The following PTPRT variants were observed in gnomAD, a reference collection of about 807,000 sequenced individuals.
PTPRT encodes the protein protein tyrosine phosphatase receptor type T, also known as receptor-type tyrosine-protein phosphatase T.
PTPRT carries 56 observed loss-of-function variants against 176.8 expected under a neutral mutation model. That is an observed-to-expected ratio of 0.32 (90% CI 0.26 to 0.40). The LOEUF is 0.40. PTPRT is among the 10% of genes least tolerant of loss of function. PTPRT has a pLI of 1.00. For synonymous variants in PTPRT, 783 were observed against 739.0 expected, an observed-to-expected ratio of 1.06 and a Z score of -0.96; for missense variants, 1,540 against 1,908.2, an observed-to-expected ratio of 0.81 and a Z score of 3.60.
At chr20:42,505,747 T>C (rs969346031) in intron 7 of PTPRT, among the ~76,000 whole-genome samples, 1 of 152,138 alleles carries the variant, frequency 6.6e-6, no homozygotes, top group Non-Finnish European at 1.5e-5. Flanking sequence ...AATTAATGCA[T>C]CTCTGCAAAT....
rs202068065 is a variant in PTPRT, at chr20:42,907,474, T to TA, written c.89-21543dup. Among the ~76,000 whole-genome samples the TA allele has an allele frequency of 9.2e-3, 1,397 of 152,186 alleles. 21 individuals carry two copies. Among genetic ancestry groups the TA allele is most frequent in the African/African-American group, 0.032 (1,323 of 41,464 alleles). Reference sequence around the variant, plus strand: ...AACCACAAACATTGAAGTTTTTTTTTAATGTTTTTCTCATTGACTTGGAGG... The same window carrying TA: ...AACCACAAACATTGAAGTTTTTTTTTAAATGTTTTTCTCATTGACTTGGAGG... On this transcript the variant is annotated intron_variant, in intron 1 of 30. Coordinates refer to ENST00000373187, the MANE Select transcript of PTPRT (RefSeq NM_007050.6).
the PTPRT span, among the ~76,000 whole-genome samples, chr20:42,065,920 G>C: frequency 0.75 from 113,114 of 151,608 alleles, 42,454 homozygotes; most frequent in South Asian, 0.84. Flanking sequence ...ATTAAATTTT[G>C]TCAAATGTTT....
At chr20:42,454,972 CA>C (rs1186894848) in intron 8 of PTPRT, among the ~76,000 whole-genome samples, 2 of 152,176 alleles carry the variant, frequency 1.3e-5, no homozygotes, top group Non-Finnish European at 2.9e-5. Flanking sequence ...CAATGAAAGA[CA>C]GGAAGTTGAT....
intron 7 of PTPRT, among the ~76,000 whole-genome samples, chr20:42,537,813 C>T (rs1026175022): frequency 7.2e-5 from 11 of 152,204 alleles, no homozygotes; most frequent in South Asian, 2.1e-4. Context: ...TTAGATTTCA[C>T]GGGTAATGGC....
chr20:42,740,809 T>C (rs6103027), intron 6 of PTPRT, among the ~76,000 whole-genome samples: 8,407 of 152,172 alleles, frequency 0.055, 690 homozygotes, highest in African/African-American at 0.18. Flanking sequence ...CAGGGCAACA[T>C]GGTAGGAGAC....
At chr20:42,962,762 A>G (rs1018370608) in intron 1 of PTPRT, among the ~76,000 whole-genome samples, 4 of 152,178 alleles carry the variant, frequency 2.6e-5, no homozygotes, top group African/African-American at 7.2e-5. Flanking sequence ...CCCTCTGCCA[A>G]ATACTAAAAG....
intron 1 of PTPRT, among the ~76,000 whole-genome samples, chr20:43,032,489 A>AT (rs1986181693): frequency 6.9e-6 from 1 of 145,846 alleles, no homozygotes; most frequent in Non-Finnish European, 1.5e-5. Flanking sequence ...AAAAAAAAAA[A>AT]AACAGTGGCA....
the PTPRT span, among the ~76,000 whole-genome samples, chr20:42,033,176 C>T: frequency 6.6e-6 from 1 of 152,062 alleles, no homozygotes; most frequent in African/African-American, 2.4e-5. Context: ...ACTCTGCAGA[C>T]ATTTTGGTGG....
At chr20:42,529,659 C>T (rs867222241) in intron 7 of PTPRT, among the ~76,000 whole-genome samples, 1 of 151,570 alleles carries the variant, frequency 6.6e-6, no homozygotes, top group Admixed American at 6.6e-5. Context: ...GCTAATTTTT[C>T]GTATTTTTAG....
intron 1 of PTPRT, among the ~76,000 whole-genome samples, chr20:42,977,963 T>C (rs1983045325): frequency 6.6e-6 from 1 of 152,200 alleles, no homozygotes; most frequent in Non-Finnish European, 1.5e-5. Context: ...AGTGGATGCC[T>C]GGTGCATTGG....
At chr20:42,282,813 A>AT (rs1463253495) in intron 12 of PTPRT, among the ~76,000 whole-genome samples, 1 of 152,122 alleles carries the variant, frequency 6.6e-6, no homozygotes, top group African/African-American at 2.4e-5. Flanking sequence ...ATATCAGATA[A>AT]TTCCCAGCAC....
chr20:43,079,443 G>C (rs1299945761), intron 1 of PTPRT, among the ~76,000 whole-genome samples: 1 of 152,098 alleles, frequency 6.6e-6, no homozygotes, highest in Non-Finnish European at 1.5e-5. Flanking sequence ...TGGAAATGCT[G>C]TGATATTATT....
intron 1 of PTPRT, among the ~76,000 whole-genome samples, chr20:43,108,989 C>T (rs560550060): frequency 6.6e-6 from 1 of 152,204 alleles, no homozygotes; most frequent in African/African-American, 2.4e-5. Flanking sequence ...ATTCTAAGAC[C>T]AGACCCCACT....
chr20:42,077,517 G>A lies in PTPRT; in HGVS notation c.*3362C>T, dbSNP rs999022279. The A allele has an allele frequency of 1.4e-5, 3 of 220,024 alleles. No homozygotes were observed. Among genetic ancestry groups the A allele is most frequent in the Non-Finnish European group, 2.7e-5 (3 of 109,648 alleles). The allele number at this position is 220,024 out of a possible 1,614,324, so 13.6% of individuals were successfully genotyped here. A position where few individuals can be genotyped will look rare whatever the true frequency, so the allele number is the denominator to read the frequency against. ...TGAGCTCACCCTGTAAATGGGGTGG[G>A]GTGGGGAGACCCCCTGGGGGTGGTG... On this transcript the variant is annotated 3_prime_UTR_variant, in exon 31 of 31. Transcript: ENST00000373187.
intron 27 of PTPRT, among the ~76,000 whole-genome samples, chr20:42,086,753 A>AAAAAAATATATATATATATAT (rs1983991312): frequency 1.0e-5 from 1 of 95,546 alleles, no homozygotes; most frequent in African/African-American, 4.9e-5. Context: ...AAAAAAAAAA[A>AAAAAAATATATATATATATAT]ATATATATAT....
At chr20:42,577,639 T>G (rs1286351734) in intron 7 of PTPRT, among the ~76,000 whole-genome samples, 1 of 152,158 alleles carries the variant, frequency 6.6e-6, no homozygotes, top group Non-Finnish European at 1.5e-5. Flanking sequence ...GGTGACTGCC[T>G]AGACTGCTTT....
chr20:42,919,147 A>T (rs1358842304), intron 1 of PTPRT, among the ~76,000 whole-genome samples: 1 of 152,176 alleles, frequency 6.6e-6, no homozygotes, highest in Admixed American at 6.5e-5. Context: ...AGGGACACCC[A>T]TCACCCCTCC....
At chr20:42,557,772 T>C (rs953077458) in intron 7 of PTPRT, among the ~76,000 whole-genome samples, 1 of 152,162 alleles carries the variant, frequency 6.6e-6, no homozygotes, top group Non-Finnish European at 1.5e-5. Context: ...ACTGGAAATG[T>C]GTACCTCACC....
chr20:42,650,330 G>A (rs1185924079), intron 7 of PTPRT, among the ~76,000 whole-genome samples: 1 of 152,010 alleles, frequency 6.6e-6, no homozygotes, highest in East Asian at 1.9e-4. Context: ...ACAAATCACT[G>A]CCAGATGCTA....
Sources: allele counts gnomAD v4.1 joint callset (sites outside exome capture counted in the v4.1 genomes callset), GRCh38; gene constraint gnomAD v4.1.1; transcripts MANE v1.5; gene names NCBI Gene and HGNC (gene_info 2026-07-23, HGNC 2026-07-21).